Variants in ALPL observed in about 807,000 individuals in gnomAD.
The protein encoded by ALPL is alkaline phosphatase, tissue-nonspecific isozyme.
A neutral mutation model predicts 51.3 loss-of-function variants in ALPL; 42 were observed. The observed-to-expected ratio is 0.82, with a 90% CI of 0.64 to 1.06. The LOEUF (loss-of-function observed/expected upper bound fraction) is 1.06. Ranked by LOEUF, ALPL falls within the 50% of genes least tolerant of loss-of-function variation. ALPL has a pLI of 0.00. For synonymous variants in ALPL, 279 were observed against 296.4 expected (o/e 0.94, Z 0.60); for missense variants, 589 against 709.4 (o/e 0.83, Z 1.93).
intron 1 of ALPL, among the ~76,000 whole-genome samples, chr1:21,541,165 C>T (rs550207661): frequency 6.6e-6 from 1 of 152,182 alleles, no homozygotes; most frequent in Non-Finnish European, 1.5e-5. Context: ...GCTCCAGCCC[C>T]TCATCTGCCC....
At chr1:21,536,693 C>T (rs1156322024) in intron 1 of ALPL, among the ~76,000 whole-genome samples, 4 of 152,054 alleles carry the variant, frequency 2.6e-5, no homozygotes, top group East Asian at 1.9e-4. Context: ...GAGCTGGAGG[C>T]GGGATCAGTC....
intron 6 of ALPL, among the ~76,000 whole-genome samples, chr1:21,565,642 A>G (rs1644553131): frequency 6.6e-6 from 1 of 152,012 alleles, no homozygotes. Flanking sequence ...GGCCACGTCA[A>G]GGGGCACAAG....
chr1:21,559,925 C>T (rs956127652), intron 2 of ALPL, among the ~76,000 whole-genome samples: 4 of 152,180 alleles, frequency 2.6e-5, no homozygotes, highest in Non-Finnish European at 4.4e-5. Context: ...TCTTAGTTCT[C>T]ATTTTATCTC....
Position 21,557,061 on chromosome 1 carries a change from T to C in ALPL, c.61+2919T>C, listed in dbSNP as rs533175750. Among the ~76,000 whole-genome samples, 15 of 152,330 alleles carry C rather than the reference T, an allele frequency of 9.8e-5. No homozygotes were observed. The East Asian group carries it at 2.9e-3, about 29-fold the overall frequency. ...AGATTCCCTCATCAATGCTGCCTCC[T>C]GAGGATTTTCCTTCCCCCTTTTCTT... On this transcript the variant is annotated intron_variant, in intron 2 of 11. Transcript: ENST00000374840.
intron 1 of ALPL, among the ~76,000 whole-genome samples, chr1:21,550,669 C>T (rs903404464): frequency 2.0e-5 from 3 of 152,260 alleles, no homozygotes; most frequent in Admixed American, 6.5e-5. Context: ...TAAACCGAAC[C>T]GCACCAGCAC....
At position 21,549,535 on chromosome 1, in the gene ALPL, G is replaced by T. The variant is rs761321661; in HGVS notation, c.-104-4443G>T. On this transcript the variant is annotated intron_variant, in intron 1 of 11. Transcript: ENST00000374840. ...GTTGCCCAGGCTGGACTGCAGTGAT[G>T]CGATCTCAGCTCACTGCAAACTCTG... 2.1e-4 allele frequency among the ~76,000 whole-genome samples: 32 copies of T among 150,104 alleles called. No homozygotes were observed. The Admixed American group carries it at 2.1e-3, about 10-fold the overall frequency.
chr1:21,516,236 T>C (rs891942808), intron 1 of ALPL, among the ~76,000 whole-genome samples: 1 of 152,186 alleles, frequency 6.6e-6, no homozygotes, highest in Non-Finnish European at 1.5e-5. Flanking sequence ...TGTCTCCACC[T>C]TGACTTACCT....
Position 21,553,955 on chromosome 1 carries a change from TTTTCTC to T in ALPL, c.-104-19_-104-14del, listed in dbSNP as rs1644364671. Reference sequence around the variant, plus strand: ...CTAGAGCTGTGCCCCACATGCCTCTTTTTCTCTTTTTTTAATTTCTAGGATTGGAAC... The same window carrying T: ...CTAGAGCTGTGCCCCACATGCCTCTTTTTTTTTAATTTCTAGGATTGGAAC... On this transcript the variant is annotated splice_polypyrimidine_tract_variant and intron_variant, in intron 1 of 11. Transcript: ENST00000374840. 2 of 825,092 alleles carry T rather than the reference TTTTCTC, an allele frequency of 2.4e-6. No homozygotes were observed. The highest frequency in any genetic ancestry group is 3.7e-5 in the Admixed American group (2 of 53,908). 51.1% of individuals were successfully genotyped at this position (825,092 alleles called of 1,614,324 possible).
In ALPL at chr1:21,576,271, G is replaced by GGATGA. The variant is rs1644734391; in HGVS notation, c.1190-251_1190-250insGATGA. Among the ~76,000 whole-genome samples, 4 of 21,994 alleles carry GGATGA rather than the reference G, an allele frequency of 1.8e-4. No homozygotes were observed. The South Asian group carries it at 7.0e-3, about 38-fold the overall frequency. The allele number at this position is 21,994 out of a possible 152,430, so 14.4% of individuals were successfully genotyped here. A position where few individuals can be genotyped will look rare whatever the true frequency, so the allele number is the denominator to read the frequency against. The stretch of plus-strand genomic sequence containing the variant: ...GGATGGATGATGGATGGATGGATGG[G>GGATGA]TGGATGGATGGATGGGTGGATGGAT... On this transcript the variant is annotated intron_variant, in intron 10 of 11. Coordinates refer to ENST00000374840, the MANE Select transcript of ALPL (RefSeq NM_000478.6).
At chr1:21,540,878 G>T (rs972395556) in intron 1 of ALPL, among the ~76,000 whole-genome samples, 2 of 152,192 alleles carry the variant, frequency 1.3e-5, no homozygotes, top group African/African-American at 4.8e-5. Context: ...CAGGCTACCT[G>T]GCAGGTTACT....
chr1:21,510,500 T>C (rs950361670), intron 1 of ALPL, among the ~76,000 whole-genome samples: 3 of 152,180 alleles, frequency 2.0e-5, no homozygotes, highest in Admixed American at 6.5e-5. Context: ...TCAGTGTAGA[T>C]ACTGCAACTG....
At chr1:21,571,641 C>T (rs987312091) in intron 8 of ALPL, among the ~76,000 whole-genome samples, 1 of 144,178 alleles carries the variant, frequency 6.9e-6, no homozygotes, top group African/African-American at 2.6e-5. Flanking sequence ...CACTGCACTC[C>T]AGCCTGGGTG....
At chr1:21,532,299 C>T (rs1255985740) in intron 1 of ALPL, among the ~76,000 whole-genome samples, 1 of 152,118 alleles carries the variant, frequency 6.6e-6, no homozygotes. Context: ...TCAAGCGATT[C>T]TCCCACCTGA....
intron 1 of ALPL, among the ~76,000 whole-genome samples, chr1:21,553,137 G>A (rs964470371): frequency 2.5e-5 from 2 of 80,146 alleles, no homozygotes; most frequent in African/African-American, 9.0e-5. Context: ...ATGTTTTGGT[G>A]TATTTCCTTC....
intron 1 of ALPL, among the ~76,000 whole-genome samples, chr1:21,531,387 A>C: frequency 6.6e-6 from 1 of 152,178 alleles, no homozygotes; most frequent in South Asian, 2.1e-4. Context: ...CCATGCTTTG[A>C]CTTTATCTCA....
intron 1 of ALPL, among the ~76,000 whole-genome samples, chr1:21,542,792 T>G (rs1027797518): frequency 6.6e-6 from 1 of 151,992 alleles, no homozygotes; most frequent in Non-Finnish European, 1.5e-5. Flanking sequence ...GAGCCGAGAT[T>G]GCGCTACTGC....
chr1:21,552,150 T>C (rs1327822162), intron 1 of ALPL, among the ~76,000 whole-genome samples: 1 of 28,884 alleles, frequency 3.5e-5, no homozygotes, highest in Non-Finnish European at 6.9e-5. Context: ...CCCTCCCTCC[T>C]TCCTTTTCTC....
chr1:21,530,953 G>GTTTTTTT (rs1644020956), intron 1 of ALPL, among the ~76,000 whole-genome samples: 1 of 83,040 alleles, frequency 1.2e-5, no homozygotes. Flanking sequence ...GATCATTTTT[G>GTTTTTTT]ATTTTTTTTT....
At chr1:21,548,939 C>A (rs1358040389) in intron 1 of ALPL, among the ~76,000 whole-genome samples, 1 of 152,152 alleles carries the variant, frequency 6.6e-6, no homozygotes, top group East Asian at 1.9e-4. Context: ...TGCCTTTAGA[C>A]CCCACCACGC....
Sources: allele counts gnomAD v4.1 joint callset (sites outside exome capture counted in the v4.1 genomes callset), GRCh38; gene constraint gnomAD v4.1.1; transcripts MANE v1.5; gene names NCBI Gene and HGNC (gene_info 2026-07-23, HGNC 2026-07-21).